Variants in ASIC2 observed in about 807,000 individuals in gnomAD.
The protein encoded by ASIC2 is acid sensing ion channel subunit 2, also known as acid-sensing ion channel 2.
In ASIC2, 25 loss-of-function variants were observed where a neutral mutation model predicts 57.3. The ratio of observed to expected loss-of-function variants is 0.44; its 90% confidence interval spans 0.32 to 0.61. The LOEUF (loss-of-function observed/expected upper bound fraction) is 0.61, where lower values mean the gene tolerates loss of function less well. ASIC2 is among the 20% of genes least tolerant of loss of function. The pLI, the probability that ASIC2 is intolerant of heterozygous loss-of-function variation, is 0.06. For synonymous variants in ASIC2, 319 were observed against 307.5 expected (o/e 1.04, Z -0.39); for missense variants, 641 against 738.1 (o/e 0.87, Z 1.52).
chr17:33,690,326 T>A (rs554089978), intron 1 of ASIC2, among the ~76,000 whole-genome samples: 1 of 152,364 alleles, frequency 6.6e-6, no homozygotes, highest in African/African-American at 2.4e-5. Context: ...ATGGCACCAG[T>A]TGAAGCTAGA....
At chr17:33,799,532 C>T (rs1003244608) in intron 1 of ASIC2, among the ~76,000 whole-genome samples, 3 of 147,286 alleles carry the variant, frequency 2.0e-5, no homozygotes, top group African/African-American at 7.6e-5. Flanking sequence ...CTTCTTTCTT[C>T]CACAAGCTTT....
chr17:33,920,734 T>A (rs903373728), intron 1 of ASIC2, among the ~76,000 whole-genome samples: 4 of 152,324 alleles, frequency 2.6e-5, no homozygotes, highest in Non-Finnish European at 4.4e-5. Flanking sequence ...TATATTTTTT[T>A]AAAAACCTTT....
chr17:33,896,594 T>A (rs970966269), intron 1 of ASIC2, among the ~76,000 whole-genome samples: 10 of 152,240 alleles, frequency 6.6e-5, no homozygotes, highest in African/African-American at 2.4e-4. Context: ...ATTAGCCCAA[T>A]GGCCTGGCTC....
chr17:34,136,250 A>C (rs2079153), intron 1 of ASIC2, among the ~76,000 whole-genome samples: 29,472 of 152,222 alleles, frequency 0.19, 3,530 homozygotes, highest in South Asian at 0.36. Flanking sequence ...ACCCCAAAAT[A>C]CATTTTCTTT....
chr17:33,610,544 A>G (rs1274246936), intron 1 of ASIC2, among the ~76,000 whole-genome samples: 2 of 151,980 alleles, frequency 1.3e-5, no homozygotes, highest in East Asian at 3.9e-4. Flanking sequence ...GGACATAACA[A>G]AAGGCATAAA....
In ASIC2 at chr17:33,347,894, G is replaced by A. The variant is rs377241825; in HGVS notation, c.556-235827C>T. On this transcript the variant is annotated intron_variant, in intron 1 of 9. Transcript: ENST00000359872. ...AGATGGGTGGATCACTTGAGGCCGG[G>A]AGTTCAAGACCAGCCTGGCCAACAT... Among the ~76,000 whole-genome samples, 475 of 152,260 alleles carry A rather than the reference G, an allele frequency of 3.1e-3. 4 individuals are homozygous for A. The highest frequency in any genetic ancestry group is 0.011 in the African/African-American group (457 of 41,544).
rs574986885 is a variant in ASIC2, at chr17:33,673,897, C to CTTTTTTTTTTTTTT, written c.555+482067_555+482080dup. On this transcript the variant is annotated intron_variant, in intron 1 of 9. Transcript: ENST00000359872. ...TGAGCTAAGGTCTGTGCATCCGTGT[C>CTTTTTTTTTTTTTT]TTTTTTTTTTTTTTGGAGACGGAGT... Among the ~76,000 whole-genome samples, 3 of 141,134 alleles carry CTTTTTTTTTTTTTT rather than the reference C, an allele frequency of 2.1e-5. 1 individual carries two copies. Among genetic ancestry groups the CTTTTTTTTTTTTTT allele is most frequent in the African/African-American group, 8.1e-5 (3 of 37,240 alleles). The allele number at this position is 141,134 out of a possible 152,430, so 92.6% of individuals were successfully genotyped here.
intron 3 of ASIC2, among the ~76,000 whole-genome samples, chr17:33,051,798 A>G (rs2141929013): frequency 6.6e-6 from 1 of 152,334 alleles, no homozygotes; most frequent in South Asian, 2.1e-4. Context: ...CATTGGCAAA[A>G]GAGGACAGAA....
At chr17:34,030,713 G>A (rs1348851288) in intron 1 of ASIC2, among the ~76,000 whole-genome samples, 1 of 152,228 alleles carries the variant, frequency 6.6e-6, no homozygotes, top group African/African-American at 2.4e-5. Context: ...ATTATATCAA[G>A]CACCTGGCTT....
intron 1 of ASIC2, among the ~76,000 whole-genome samples, chr17:33,127,346 G>C (rs1331510787): frequency 6.6e-6 from 1 of 152,120 alleles, no homozygotes; most frequent in African/African-American, 2.4e-5. Flanking sequence ...GGGACAGCAA[G>C]AAAAAATATT....
rs1338888402 is a variant in ASIC2, at chr17:34,156,412, G to A, written c.121C>T (p.Arg41Trp). The change falls in exon 1 of 10, where the codon CGG (arginine) becomes TGG (tryptophan). Residue 41 changes from arginine to tryptophan, a missense_variant. Physicochemically the swap from Arg to Trp is moderately radical, Grantham distance 101 (BLOSUM62 -3). Coordinates refer to the ASIC2 transcript ENST00000359872. The surrounding 1 kb of genome is among the most constrained non-coding windows in gnomAD (Gnocchi z 4.4). ...AAGGCCACTGCCCACAGCACACGCC[G>A]GATGGTCAGCGGCCCATACACGAAG... The A allele has an allele frequency of 6.2e-7, 1 of 1,614,174 alleles. No individual in the cohort carries two copies. The highest frequency in any genetic ancestry group is 1.1e-5 in the South Asian group (1 of 91,088).
intron 1 of ASIC2, among the ~76,000 whole-genome samples, chr17:33,779,967 C>CTT (rs759850922): frequency 0.027 from 2,268 of 85,022 alleles, 249 homozygotes; most frequent in African/African-American, 0.1. Flanking sequence ...CTACAGAAGC[C>CTT]TTTTTTTTTT....
intron 3 of ASIC2, among the ~76,000 whole-genome samples, chr17:33,047,569 G>A (rs528397790): frequency 6.6e-6 from 1 of 152,168 alleles, no homozygotes; most frequent in Admixed American, 6.5e-5. Flanking sequence ...CGAATTCCTG[G>A]GCTCAAGCAA....
intron 1 of ASIC2, among the ~76,000 whole-genome samples, chr17:34,073,740 A>G (rs1288062996): frequency 6.6e-6 from 1 of 152,178 alleles, no homozygotes; most frequent in Non-Finnish European, 1.5e-5. Flanking sequence ...CAGCTTGTCT[A>G]TCTAGAGGTC....
intron 6 of ASIC2, among the ~76,000 whole-genome samples, chr17:33,021,742 C>T (rs2091836443): frequency 6.6e-6 from 1 of 152,238 alleles, no homozygotes; most frequent in Non-Finnish European, 1.5e-5. Flanking sequence ...TAAATTCCCA[C>T]TGGTATTTAT....
intron 1 of ASIC2, among the ~76,000 whole-genome samples, chr17:33,262,009 G>T (rs1909302393): frequency 6.6e-6 from 1 of 152,220 alleles, no homozygotes; most frequent in Admixed American, 6.5e-5. Context: ...GGCAGCATCT[G>T]GAGACAGGAG....
chr17:34,124,416 G>A lies in ASIC2; in HGVS notation c.555+31562C>T, dbSNP rs117561432. Among the ~76,000 whole-genome samples the A allele has an allele frequency of 3.9e-5, 6 of 152,254 alleles. 1 individual carries two copies. The East Asian group carries it at 1.2e-3, about 29-fold the overall frequency. ...ATCCATACACTTTAGTACTGCTAGG[G>A]AGATCACTCTAAAACACACATATGG... is the stretch of plus-strand genomic sequence containing the variant. On this transcript the variant is annotated intron_variant, in intron 1 of 9. Transcript: ENST00000359872.
At chr17:33,675,580 TA>T (rs112964831) in intron 1 of ASIC2, among the ~76,000 whole-genome samples, 2 of 151,286 alleles carry the variant, frequency 1.3e-5, no homozygotes, top group East Asian at 1.9e-4. Flanking sequence ...TTTTTTAAAT[TA>T]AAAAAAAATT....
At chr17:34,097,928 C>T (rs1454528361) in intron 1 of ASIC2, among the ~76,000 whole-genome samples, 1 of 152,120 alleles carries the variant, frequency 6.6e-6, no homozygotes, top group Non-Finnish European at 1.5e-5. Context: ...CTCGGCTGCC[C>T]ACTATGGGAG....
Sources: allele counts gnomAD v4.1 joint callset (sites outside exome capture counted in the v4.1 genomes callset), GRCh38; gene constraint gnomAD v4.1.1; non-coding constraint Gnocchi (gnomAD v3.1); transcripts MANE v1.5; gene names NCBI Gene and HGNC (gene_info 2026-07-23, HGNC 2026-07-21).